The following CACNA1I variants were observed in gnomAD, a reference collection of about 807,000 sequenced individuals.
CACNA1I encodes the protein voltage-dependent T-type calcium channel subunit alpha-1I.
CACNA1I carries 74 observed loss-of-function variants against 201.6 expected under a neutral mutation model. That is an observed-to-expected ratio of 0.37 (90% confidence interval 0.30 to 0.45). CACNA1I has a LOEUF of 0.45. CACNA1I is among the 20% of genes least tolerant of loss of function. The pLI, the probability that CACNA1I is intolerant of heterozygous loss-of-function variation, is 1.00. For synonymous variants in CACNA1I, 1,431 were observed against 1,345.2 expected, an observed-to-expected ratio of 1.06 and a Z score of -1.40; for missense variants, 2,346 against 3,138.1, an observed-to-expected ratio of 0.75 and a Z score of 6.03.
At chr22:39,578,118 G>A (rs1031951583) in intron 1 of CACNA1I, among the ~76,000 whole-genome samples, 1 of 152,162 alleles carries the variant, frequency 6.6e-6, no homozygotes, top group African/African-American at 2.4e-5. Flanking sequence ...GGCTCCTGGA[G>A]GTGGGAGGGC....
Position 39,658,998 on chromosome 22 carries a change from G to C in CACNA1I, c.2212G>C (p.Val738Leu), listed in dbSNP as rs747858090. Residue 738 changes from valine (V) to leucine (L), a missense_variant, in exon 12 of 37, where the codon GTG becomes CTG. Physicochemically the swap from Val to Leu is conservative, Grantham distance 32. Around this residue, in one of 13 missense-constraint regions of CACNA1I, gnomAD observed 155 missense variants for 300.8 expected, o/e 0.52. Coordinates refer to ENST00000402142, the MANE Select transcript of CACNA1I (RefSeq NM_021096.4). Reference sequence around the variant, plus strand: ...GCTGCGGACCTTCCGGCTGCTGCGCGTGCTGAAACTGGTGCGCTTCATGCC... The same window carrying C: ...GCTGCGGACCTTCCGGCTGCTGCGCCTGCTGAAACTGGTGCGCTTCATGCC... ...SVLRTFRLLR[V>L]LKLVRFMPAL... 6.2e-7 allele frequency: 1 copy of C among 1,610,690 alleles called. No individual in the cohort carries two copies. Among genetic ancestry groups the C allele is most frequent in the Non-Finnish European group, 8.5e-7 (1 of 1,179,034 alleles).
At position 39,642,800 on chromosome 22, in the gene CACNA1I, A is replaced by T; in HGVS notation, c.1060A>T (p.Ile354Phe). The change falls in exon 7 of 37, where the codon ATC becomes TTC. Residue 354 changes from isoleucine to phenylalanine, a missense_variant. Transcript: ENST00000402142. Reference sequence around the variant, plus strand: ...CTCTCTCCTCTGCGCGCTGCAGGTGATCACTCTGGAAGGCTGGGTGGAGAT... The same window carrying T: ...CTCTCTCCTCTGCGCGCTGCAGGTGTTCACTCTGGAAGGCTGGGTGGAGAT... ...GYAWIVIFQV[I>F]TLEGWVEIMY... 3 of 1,608,506 alleles carry T rather than the reference A, an allele frequency of 1.9e-6. No individual in the cohort carries two copies. The highest frequency in any genetic ancestry group is 2.5e-6 in the Non-Finnish European group (3 of 1,177,062).
Position 39,649,609 on chromosome 22 carries a change from A to G in CACNA1I, c.1676A>G (p.Glu559Gly). 2.6e-6 allele frequency: 4 copies of G among 1,538,138 alleles called. No individual in the cohort carries two copies. The highest frequency in any genetic ancestry group is 3.5e-6 in the Non-Finnish European group (4 of 1,141,024). ...GCCAGCTGCCCTTGCTGCCAGCATG[A>G]GGACGGCCGGCGGCCCTCGGGCCTG... is the stretch of plus-strand genomic sequence containing the variant. The part of the protein sequence containing the change: ...DPASCPCCQH[E>G]DGRRPSGLGS... The change falls in exon 10 of 37, where the codon GAG becomes GGG. Residue 559 changes from glutamate to glycine, a missense_variant. Glu to Gly is a moderately conservative substitution (Grantham distance 98). Coordinates refer to ENST00000402142, the MANE Select transcript of CACNA1I (RefSeq NM_021096.4). The surrounding 1 kb of genome is among the most constrained non-coding windows in gnomAD (Gnocchi z 7.3).
chr22:39,664,042 G>A (rs549913264), intron 19 of CACNA1I, 49 bp from the exon 20 acceptor site: 14 of 1,578,256 alleles, frequency 8.9e-6, no homozygotes, highest in Admixed American at 8.4e-5. Context: ...GCCAGTGGCC[G>A]GGCAGCTCTG....
intron 4 of CACNA1I, among the ~76,000 whole-genome samples, chr22:39,625,683 C>T (rs1933880815): frequency 6.6e-6 from 1 of 151,958 alleles, no homozygotes; most frequent in Non-Finnish European, 1.5e-5. Flanking sequence ...GAGAGGAAGA[C>T]AGCAGAGAGG....
chr22:39,576,171 T>A (rs1406537472), intron 1 of CACNA1I, among the ~76,000 whole-genome samples: 1 of 152,242 alleles, frequency 6.6e-6, no homozygotes, highest in Non-Finnish European at 1.5e-5. Flanking sequence ...AGCCTCAGTT[T>A]TCTTATCTCT....
At chr22:39,623,987 TGC>T (rs1933828954) in intron 4 of CACNA1I, among the ~76,000 whole-genome samples, 2 of 149,160 alleles carry the variant, frequency 1.3e-5, no homozygotes, top group African/African-American at 5.0e-5. Context: ...AGGGTGTGTG[TGC>T]GCCTCTGAAC....
intron 4 of CACNA1I, among the ~76,000 whole-genome samples, chr22:39,621,769 C>G (rs568496182): frequency 5.9e-5 from 9 of 151,522 alleles, no homozygotes; most frequent in Non-Finnish European, 1.0e-4. Flanking sequence ...CAAAGCTGTG[C>G]GGGAGGGGGA....
rs189255271 is a variant in CACNA1I, at chr22:39,603,373, G to A, written c.482+2720G>A. Among the ~76,000 whole-genome samples the A allele has an allele frequency of 1.2e-4, 19 of 152,246 alleles. No homozygotes were observed. The East Asian group carries it at 3.3e-3, about 26-fold the overall frequency. ...GACTTGGGCTTCTGAATCACAAGTGGGCTTTTCAGCAATGTCCTTTCCCCT... is the reference window on the plus strand; with the variant it reads ...GACTTGGGCTTCTGAATCACAAGTGAGCTTTTCAGCAATGTCCTTTCCCCT... On this transcript the variant is annotated intron_variant, in intron 3 of 36. Transcript: ENST00000402142.
At chr22:39,626,071 CAATGCTGTGGGG>C (rs1372827165) in intron 4 of CACNA1I, among the ~76,000 whole-genome samples, 2 of 152,172 alleles carry the variant, frequency 1.3e-5, no homozygotes, top group African/African-American at 4.8e-5. Context: ...CAGTCCCTGA[CAATGCTGTGGGG>C]AAGGCTGCCA....
intron 3 of CACNA1I, among the ~76,000 whole-genome samples, chr22:39,618,009 G>A (rs1319841904): frequency 6.6e-6 from 1 of 151,942 alleles, no homozygotes; most frequent in East Asian, 1.9e-4. Context: ...TGTCCAAGAA[G>A]GGAGTGAGTG....
At chr22:39,653,418 C>A (rs563721079) in intron 10 of CACNA1I, among the ~76,000 whole-genome samples, 1 of 152,300 alleles carries the variant, frequency 6.6e-6, no homozygotes, top group African/African-American at 2.4e-5. Context: ...CGCTCGGCTC[C>A]CAGACACTGC....
At chr22:39,591,309 C>G (rs1932818988) in intron 1 of CACNA1I, among the ~76,000 whole-genome samples, 1 of 151,492 alleles carries the variant, frequency 6.6e-6, no homozygotes, top group Non-Finnish European at 1.5e-5. Context: ...TTACAGATGC[C>G]CGCCACCACG....
chr22:39,614,607 C>T (rs1174821295), intron 3 of CACNA1I, among the ~76,000 whole-genome samples: 4 of 152,232 alleles, frequency 2.6e-5, no homozygotes, highest in Admixed American at 2.0e-4. Flanking sequence ...CACCTGGGAT[C>T]ACGTGCCTAT....
At chr22:39,637,651 T>G (rs893360340) in intron 5 of CACNA1I, among the ~76,000 whole-genome samples, 2 of 152,200 alleles carry the variant, frequency 1.3e-5, no homozygotes, top group South Asian at 2.1e-4. Context: ...TAAGTGGCAG[T>G]GTACTCACTC....
Position 39,649,860 on chromosome 22 carries a change from A to G in CACNA1I, c.1927A>G (p.Asn643Asp), listed in dbSNP as rs779970381. Reference sequence around the variant, plus strand: ...CGGCATCGTGGACAGCAAGTACTTCAACCGGGGCATCATGATGGCCATCCT... The same window carrying G: ...CGGCATCGTGGACAGCAAGTACTTCGACCGGGGCATCATGATGGCCATCCT... ...LRGIVDSKYFNRGIMMAILVN... is the reference protein window; with the variant it reads ...LRGIVDSKYFDRGIMMAILVN... Residue 643 changes from asparagine to aspartate, a missense_variant, in exon 10 of 37, where the codon AAC (asparagine) becomes GAC (aspartate). This residue lies in a region of CACNA1I where 312 missense variants were observed against 331.5 expected (regional missense o/e 0.94). Coordinates refer to ENST00000402142, the MANE Select transcript of CACNA1I (RefSeq NM_021096.4). The surrounding 1 kb of genome is among the most constrained non-coding windows in gnomAD (Gnocchi z 7.3). 6 of 1,613,576 alleles carry G rather than the reference A, an allele frequency of 3.7e-6. No homozygotes were observed. Among genetic ancestry groups the G allele is most frequent in the Non-Finnish European group, 5.1e-6 (6 of 1,179,728 alleles).
chr22:39,640,944 G>T lies in CACNA1I; in HGVS notation c.818G>T (p.Gly273Val). ...DEMPFICSLS[G>V]DNGIMGCHEI... ...ATGCCCTTCATCTGCTCCCTGTCGG[G>T]CGACAATGGGATAATGGGCTGCCAT... The change falls in exon 6 of 37, where the codon GGC (glycine) becomes GTC (valine). Residue 273 changes from glycine to valine, a missense_variant. Coordinates refer to ENST00000402142, the MANE Select transcript of CACNA1I (RefSeq NM_021096.4). The T allele has an allele frequency of 6.2e-7, 1 of 1,613,986 alleles. No homozygotes were observed. The highest frequency in any genetic ancestry group is 8.5e-7 in the Non-Finnish European group (1 of 1,179,878).
chr22:39,662,315 G>C lies in CACNA1I; in HGVS notation c.3252G>C (p.Ala1084=). The part of the protein sequence containing the change: ...VGAHPRAAWR[A]AGPAPGHEDC... ...CCCACCCCCGGGCCGCCTGGAGGGCGGCAGGCCCGGCCCCCGGGCATGAGG... is the reference window on the plus strand; with the variant it reads ...CCCACCCCCGGGCCGCCTGGAGGGCCGCAGGCCCGGCCCCCGGGCATGAGG... The change falls in exon 17 of 37, where the codon GCG becomes GCC. Residue 1084 remains alanine (A), a synonymous_variant. Transcript: ENST00000402142. The C allele has an allele frequency of 6.8e-7, 1 of 1,480,538 alleles. No homozygotes were observed. The highest frequency in any genetic ancestry group is 8.9e-7 in the Non-Finnish European group (1 of 1,123,756). The allele number at this position is 1,480,538 out of a possible 1,614,324, so 91.7% of individuals were successfully genotyped here.
chr22:39,658,955 G>A lies in CACNA1I; in HGVS notation c.2169G>A (p.Ala723=), dbSNP rs764511226. The change falls in exon 12 of 37, where the codon GCG becomes GCA. Residue 723 remains alanine, a synonymous_variant. Coordinates refer to ENST00000402142, the MANE Select transcript of CACNA1I (RefSeq NM_021096.4). The part of the protein sequence containing the change: ...IISIWEIVGQ[A]DGGLSVLRTF... ...GCATCTGGGAGATTGTGGGGCAGGC[G>A]GACGGTGGGCTGTCGGTGCTGCGGA... The A allele has an allele frequency of 1.7e-5, 28 of 1,601,936 alleles. No homozygotes were observed. The highest frequency in any genetic ancestry group is 1.6e-4 in the Middle Eastern group (1 of 6,074).
Sources: allele counts gnomAD v4.1 joint callset (sites outside exome capture counted in the v4.1 genomes callset), GRCh38; gene constraint gnomAD v4.1.1; regional missense constraint gnomAD v4.1.1; non-coding constraint Gnocchi (gnomAD v3.1); transcripts MANE v1.5; gene names NCBI Gene and HGNC (gene_info 2026-07-23, HGNC 2026-07-21).